ACAT2: variants seen among roughly 807,000 people sequenced by gnomAD.
ACAT2 encodes acetyl-CoA acetyltransferase 2.
A neutral mutation model predicts 37.1 loss-of-function variants in ACAT2; 26 were observed. That is an observed-to-expected ratio of 0.70 (90% confidence interval 0.51 to 0.97). The LOEUF is 0.97. Among genes scored for constraint, ACAT2 ranks in the 50% least tolerant of loss-of-function variants. The pLI is 0.00. For missense variants in ACAT2, 468 were observed against 489.0 expected, an observed-to-expected ratio of 0.96 and a Z score of 0.40; for synonymous variants, 156 against 163.6, an observed-to-expected ratio of 0.95 and a Z score of 0.35.
At chr6:159,775,411 TTA>T (rs1780397846) in intron 5 of ACAT2, 98 bp downstream of exon 5, 2 of 1,425,034 alleles carry the variant, frequency 1.4e-6, no homozygotes, top group Non-Finnish European at 1.9e-6. Context: ...TATATCTTAG[TTA>T]TGTTTTTCAG....
In ACAT2 at chr6:159,763,064, G is replaced by C. The variant is rs1780180683; in HGVS notation, c.190+11G>C. On this transcript the variant is annotated intron_variant, in intron 2 of 8. Transcript: ENST00000367048. Reference sequence around the variant, plus strand: ...ATGTCTTGGCAGCAGGTAAGTCTCAGTGATTCCAGGAGAAGTCAGGCTTAT... The same window carrying C: ...ATGTCTTGGCAGCAGGTAAGTCTCACTGATTCCAGGAGAAGTCAGGCTTAT... The C allele has an allele frequency of 1.2e-6, 2 of 1,606,336 alleles. No individual in the cohort carries two copies. Among genetic ancestry groups the C allele is most frequent in the East Asian group, 4.5e-5 (2 of 44,856 alleles).
rs952502463 is a variant in ACAT2 at position 159,775,255 on chromosome 6, A to C, written c.576A>C (p.Ala192=). 1.9e-6 allele frequency: 3 copies of C among 1,614,222 alleles called. No homozygotes were observed. The highest frequency in any genetic ancestry group is 2.5e-6 in the Non-Finnish European group (3 of 1,180,032). The change falls in exon 5 of 9, where the codon GCA becomes GCC. Residue 192 remains alanine (A), a synonymous_variant. Transcript: ENST00000367048. ...AVLSQNRTEN[A]QKAGHFDKEI... ...TGTCCCAGAACAGGACAGAGAATGCACAGAAAGCTGGCCATTTTGACAAAG... is the reference window on the plus strand; with the variant it reads ...TGTCCCAGAACAGGACAGAGAATGCCCAGAAAGCTGGCCATTTTGACAAAG...
chr6:159,778,624 A>G (rs1221248894), intron 8 of ACAT2, 35 bp from the exon 9 acceptor site: 3 of 1,605,808 alleles, frequency 1.9e-6, no homozygotes, highest in East Asian at 4.5e-5. Flanking sequence ...TGTCCACAGA[A>G]GAATAAACAA....
At chr6:159,763,120 ACACACTCT>A in intron 2 of ACAT2, 67 bp downstream of exon 2, 1 of 1,528,874 alleles carries the variant, frequency 6.5e-7, no homozygotes, top group Non-Finnish European at 8.8e-7. Context: ...ACACACACAC[ACACACTCT>A]CACACACTCA....
intron 4 of ACAT2, among the ~76,000 whole-genome samples, chr6:159,769,476 G>A (rs1780303266): frequency 6.6e-6 from 1 of 152,006 alleles, no homozygotes; most frequent in Non-Finnish European, 1.5e-5. Flanking sequence ...CCAGCCTCCA[G>A]AACTGTAAGA....
chr6:159,766,523 T>G (rs535345550), intron 2 of ACAT2, among the ~76,000 whole-genome samples: 15 of 152,162 alleles, frequency 9.9e-5, no homozygotes, highest in African/African-American at 3.6e-4. Context: ...TGCCTCAGCC[T>G]CCCTAGTAAC....
Position 159,777,222 on chromosome 6 carries a change from T to C in ACAT2, c.758-80T>C. ...AACAGGTAAAATCATTTAACTCATG[T>C]CTTCAGGTGGTAAAGAAGCCACAGA... On this transcript the variant is annotated intron_variant, in intron 6 of 8. Transcript: ENST00000367048. 3.4e-6 allele frequency: 5 copies of C among 1,454,182 alleles called. 1 individual carries two copies. In the South Asian group the frequency reaches 6.6e-5, roughly 19 times the overall value. 90.1% of individuals were successfully genotyped at this position (1,454,182 alleles called of 1,614,324 possible). A position where few individuals can be genotyped will look rare whatever the true frequency, so the allele number is the denominator to read the frequency against.
At chr6:159,767,824 T>G (rs967320995) in intron 3 of ACAT2, among the ~76,000 whole-genome samples, 14 of 152,158 alleles carry the variant, frequency 9.2e-5, no homozygotes, top group African/African-American at 3.1e-4. Context: ...AGGCTAAAGG[T>G]AACAAAAATA....
At chr6:159,763,709 G>A (rs1258261123) in intron 2 of ACAT2, among the ~76,000 whole-genome samples, 11 of 124,970 alleles carry the variant, frequency 8.8e-5, no homozygotes, top group African/African-American at 3.4e-4. Context: ...GCGTGATCTC[G>A]GCTCACTGCA....
intron 5 of ACAT2, 26 bp downstream of exon 5, chr6:159,775,339 A>G (rs777192682): frequency 1.2e-6 from 2 of 1,607,276 alleles, no homozygotes; most frequent in Middle Eastern, 1.7e-4. Flanking sequence ...TGGTTTAAAC[A>G]TCAACCTATT....
At chr6:159,770,281 A>T (rs550925271) in intron 4 of ACAT2, among the ~76,000 whole-genome samples, 20 of 152,358 alleles carry the variant, frequency 1.3e-4, no homozygotes, top group Admixed American at 1.2e-3. Flanking sequence ...GAATTAGGAA[A>T]ATATAGCTTA....
At chr6:159,778,527 C>T (rs534719900) in intron 8 of ACAT2, 132 bp from the exon 9 acceptor site, 2 of 1,026,430 alleles carry the variant, frequency 1.9e-6, no homozygotes, top group Non-Finnish European at 2.8e-6. Flanking sequence ...AAATTTATTC[C>T]TAAGCAGTTA....
chr6:159,776,083 C>T lies in ACAT2; in HGVS notation c.635-67C>T. 4 of 1,545,924 alleles carry T rather than the reference C, an allele frequency of 2.6e-6. No homozygotes were observed. The South Asian group carries it at 4.8e-5, about 18-fold the overall frequency. ...TCCTCATGTTTAATGGCAGAGAACC[C>T]ACCATTCCCAGCACACTTACTTCTG... On this transcript the variant is annotated intron_variant, in intron 5 of 8. Transcript: ENST00000367048.
chr6:159,775,183 C>CA lies in ACAT2; in HGVS notation c.510dup (p.Trp171MetfsTer5). 1 of 1,612,582 alleles carries CA rather than the reference C, an allele frequency of 6.2e-7. No individual in the cohort carries two copies. On this transcript the variant is annotated frameshift_variant, in exon 5 of 9. Transcript: ENST00000367048. LOFTEE classifies it high-confidence loss of function. ...CTCCTTTCCCAGCTGAAAATGTAGC[C>CA]AAAAAATGGCAAGTGAGTAGAGAAG...
chr6:159,778,103 A>G, intron 7 of ACAT2, 67 bp from the exon 8 acceptor site: 2 of 1,071,546 alleles, frequency 1.9e-6, no homozygotes, highest in South Asian at 1.4e-5. Context: ...TTATGTTGAC[A>G]AAGAATGGTT....
intron 5 of ACAT2, 162 bp downstream of exon 5, chr6:159,775,475 T>C: frequency 2.5e-6 from 2 of 796,820 alleles, no homozygotes; most frequent in Non-Finnish European, 3.8e-6. Flanking sequence ...GTATGCTGGG[T>C]TTACAGGACA....
intron 2 of ACAT2, among the ~76,000 whole-genome samples, chr6:159,764,831 T>G (rs1164440075): frequency 6.6e-6 from 1 of 152,236 alleles, no homozygotes; most frequent in African/African-American, 2.4e-5. Context: ...TTATATCCTA[T>G]TATCTTCATT....
At chr6:159,776,827 C>T (rs972533228) in intron 6 of ACAT2, among the ~76,000 whole-genome samples, 4 of 152,058 alleles carry the variant, frequency 2.6e-5, no homozygotes, top group Non-Finnish European at 4.4e-5. Context: ...CTCACTCTGT[C>T]GCCCAGGCTG....
intron 2 of ACAT2, among the ~76,000 whole-genome samples, chr6:159,765,549 C>T (rs1017409501): frequency 6.6e-6 from 1 of 152,058 alleles, no homozygotes; most frequent in Non-Finnish European, 1.5e-5. Context: ...CCTGCCTCAA[C>T]CTCCTGAGTA....
Sources: gnomAD v4.1 joint callset for allele counts (sites outside exome capture counted in the v4.1 genomes callset) on GRCh38, gnomAD v4.1.1 for gene constraint, MANE v1.5 for transcripts, NCBI Gene and HGNC (gene_info 2026-07-23, HGNC 2026-07-21) for gene names.